TGFB2: variants seen among roughly 807,000 people sequenced by gnomAD.
TGFB2 encodes the protein transforming growth factor beta 2, also known as transforming growth factor beta-2 proprotein.
Under a neutral mutation model 42.7 loss-of-function variants are expected in TGFB2, and 13 were observed. The observed-to-expected ratio is 0.30, with a 90% CI of 0.20 to 0.48. The LOEUF (loss-of-function observed/expected upper bound fraction) is 0.48. Among genes scored for constraint, TGFB2 ranks in the 20% least tolerant of loss-of-function variants. The pLI is 0.99. For missense variants in TGFB2, 390 were observed against 517.5 expected (o/e 0.75, Z 2.39); for synonymous variants, 193 against 193.6 (o/e 1.00, Z 0.03).
intron 2 of TGFB2, among the ~76,000 whole-genome samples, chr1:218,431,040 G>T (rs1028840208): frequency 6.6e-6 from 1 of 152,156 alleles, no homozygotes; most frequent in Non-Finnish European, 1.5e-5. Context: ...TGCAACAAGT[G>T]GGTTAAGAAC....
At chr1:218,363,213 T>A in intron 1 of TGFB2, 1 of 848,702 alleles carries the variant, frequency 1.2e-6, no homozygotes, top group Non-Finnish European at 1.9e-6. Flanking sequence ...AGGGACCTTA[T>A]TTCTGGGGAA....
intron 1 of TGFB2, among the ~76,000 whole-genome samples, chr1:218,355,158 C>T (rs1656992856): frequency 6.6e-6 from 1 of 152,180 alleles, no homozygotes; most frequent in African/African-American, 2.4e-5. Flanking sequence ...CCTCGGTCTC[C>T]CAAAGTGCTG....
chr1:218,426,813 G>A (rs1488197773), intron 2 of TGFB2, among the ~76,000 whole-genome samples: 2 of 152,154 alleles, frequency 1.3e-5, no homozygotes, highest in Non-Finnish European at 2.9e-5. Context: ...ATATATGTAT[G>A]TACATATGGA....
At chr1:218,432,097 C>G (rs1302106004) in intron 2 of TGFB2, among the ~76,000 whole-genome samples, 1 of 152,148 alleles carries the variant, frequency 6.6e-6, no homozygotes, top group Non-Finnish European at 1.5e-5. Context: ...AAAAATCCAG[C>G]ACTGAAGTGG....
At chr1:218,428,643 C>G (rs1464995541) in intron 2 of TGFB2, among the ~76,000 whole-genome samples, 1 of 152,080 alleles carries the variant, frequency 6.6e-6, no homozygotes, top group African/African-American at 2.4e-5. Context: ...ATCAGATGGT[C>G]GTAGATGTGT....
Position 218,346,197 on chromosome 1 carries a change from A to C in TGFB2, c.-505A>C, listed in dbSNP as rs1656669487. The C allele has an allele frequency of 6.3e-6, 1 of 158,408 alleles. No homozygotes were observed. The highest frequency in any genetic ancestry group is 2.4e-5 in the African/African-American group (1 of 41,398). The allele number at this position is 158,408 out of a possible 1,614,324, so 9.8% of individuals were successfully genotyped here. ...TCTTTAAATATATAAATTTCAGCCC[A>C]GGTCAGCCTCGGCGGCCCCCCTCAC... On this transcript the variant is annotated 5_prime_UTR_variant, in exon 1 of 7. Transcript: ENST00000366930. This position sits in a 1 kb window ranked among gnomAD's most constrained non-coding sequence, Gnocchi z 4.9.
chr1:218,427,107 T>G (rs1249167206), intron 2 of TGFB2, among the ~76,000 whole-genome samples: 1 of 152,178 alleles, frequency 6.6e-6, no homozygotes, highest in African/African-American at 2.4e-5. Context: ...ATTATTGTGA[T>G]AAAATATACA....
At chr1:218,363,195 C>T in intron 1 of TGFB2, 1 of 688,416 alleles carries the variant, frequency 1.5e-6, no homozygotes, top group South Asian at 2.0e-5. Context: ...CCCCTGGCCC[C>T]AGGTAGCAGG....
At chr1:218,441,159 T>A (rs1660137500) in intron 6 of TGFB2, 45 bp from the exon 7 acceptor site, 1 of 1,557,510 alleles carries the variant, frequency 6.4e-7, no homozygotes, top group Non-Finnish European at 8.7e-7. Flanking sequence ...TGCGTTCATT[T>A]TCCGTCTTTC....
chr1:218,404,201 C>T (rs1056254418), intron 1 of TGFB2, among the ~76,000 whole-genome samples: 7 of 152,158 alleles, frequency 4.6e-5, no homozygotes, highest in Admixed American at 4.6e-4. Flanking sequence ...CAGCCTCCGC[C>T]CCCGGGGTTC....
chr1:218,435,869 A>C, intron 4 of TGFB2, 101 bp from the exon 5 acceptor site: 3 of 1,194,828 alleles, frequency 2.5e-6, no homozygotes, highest in Non-Finnish European at 3.5e-6. Flanking sequence ...TTTGGTGGTC[A>C]TCACTGCTAT....
intron 1 of TGFB2, among the ~76,000 whole-genome samples, chr1:218,370,867 G>T (rs752747359): frequency 6.6e-6 from 1 of 152,232 alleles, no homozygotes; most frequent in Non-Finnish European, 1.5e-5. Flanking sequence ...TTTCAGTAGA[G>T]TAGGAATTGG....
intron 1 of TGFB2, among the ~76,000 whole-genome samples, chr1:218,349,131 C>T (rs760382039): frequency 3.9e-5 from 6 of 152,068 alleles, no homozygotes; most frequent in South Asian, 2.1e-4. Flanking sequence ...ACCTCCGATA[C>T]GTCCAAGATA....
chr1:218,405,054 G>C (rs1658861137), intron 1 of TGFB2, 115 bp from the exon 2 acceptor site: 1 of 1,210,642 alleles, frequency 8.3e-7, no homozygotes, highest in Admixed American at 2.3e-5. Flanking sequence ...CTGGCCGTTG[G>C]AAACTATTCT....
intron 1 of TGFB2, among the ~76,000 whole-genome samples, chr1:218,389,356 G>C (rs1279244332): frequency 6.6e-6 from 1 of 152,182 alleles, no homozygotes; most frequent in South Asian, 2.1e-4. Flanking sequence ...GAAGATGACA[G>C]ATTCAGTATC....
chr1:218,422,249 G>A (rs750846330), intron 2 of TGFB2, among the ~76,000 whole-genome samples: 58 of 149,040 alleles, frequency 3.9e-4, no homozygotes, highest in Non-Finnish European at 5.3e-4. Context: ...ACAGAGTCTC[G>A]CTCTGTCACC....
chr1:218,387,641 T>G (rs1227248887), intron 1 of TGFB2, among the ~76,000 whole-genome samples: 1 of 152,130 alleles, frequency 6.6e-6, no homozygotes. Context: ...AGAAATCAGT[T>G]GTACCACTAC....
intron 1 of TGFB2, among the ~76,000 whole-genome samples, chr1:218,370,203 T>G (rs1657526193): frequency 1.3e-5 from 2 of 152,224 alleles, no homozygotes; most frequent in South Asian, 4.1e-4. Context: ...CTTGGCCTAG[T>G]GGTGAAGGAA....
At chr1:218,371,364 A>G (rs1436202963) in intron 1 of TGFB2, among the ~76,000 whole-genome samples, 1 of 152,174 alleles carries the variant, frequency 6.6e-6, no homozygotes, top group African/African-American at 2.4e-5. Flanking sequence ...TTTTGTGGAT[A>G]TGACATGATT....
Sources: gnomAD v4.1 joint callset for allele counts (sites outside exome capture counted in the v4.1 genomes callset) on GRCh38, gnomAD v4.1.1 for gene constraint, Gnocchi (gnomAD v3.1) non-coding constraint, MANE v1.5 for transcripts, NCBI Gene and HGNC (gene_info 2026-07-23, HGNC 2026-07-21) for gene names.